PAPPA2: variants seen among roughly 807,000 people sequenced by gnomAD.
PAPPA2 encodes the protein pappalysin-2.
PAPPA2 carries 86 observed loss-of-function variants against 176.4 expected under a neutral mutation model. That is an observed-to-expected ratio of 0.49 (90% confidence interval 0.41 to 0.58). PAPPA2 has a LOEUF of 0.58. Among genes scored for constraint, PAPPA2 ranks in the 20% least tolerant of loss-of-function variants. The probability of loss-of-function intolerance (pLI) is 0.00; values close to 1 mark genes in which losing one functional copy is unlikely to be tolerated. For synonymous variants in PAPPA2, 809 were observed against 852.2 expected (o/e 0.95, Z 0.88); for missense variants, 2,073 against 2,256.9 (o/e 0.92, Z 1.65).
intron 1 of PAPPA2, among the ~76,000 whole-genome samples, chr1:176,470,520 A>C (rs1651822062): frequency 6.6e-6 from 1 of 152,168 alleles, no homozygotes; most frequent in African/African-American, 2.4e-5. Flanking sequence ...GAGAGGAATG[A>C]TCAGGCCAGT....
At chr1:176,590,434 G>A (rs1215335606) in intron 2 of PAPPA2, among the ~76,000 whole-genome samples, 2 of 151,994 alleles carry the variant, frequency 1.3e-5, no homozygotes, top group African/African-American at 4.8e-5. Context: ...ATCTTCAGAG[G>A]ACCAGTTGTT....
chr1:176,644,580 T>C (rs1289555789), intron 3 of PAPPA2, among the ~76,000 whole-genome samples: 2 of 151,788 alleles, frequency 1.3e-5, no homozygotes, highest in Non-Finnish European at 2.9e-5. Flanking sequence ...AGTCTATCAT[T>C]AGAGGCAATA....
intron 12 of PAPPA2, among the ~76,000 whole-genome samples, chr1:176,737,305 TAC>T (rs1662464506): frequency 6.6e-6 from 1 of 152,064 alleles, no homozygotes; most frequent in Non-Finnish European, 1.5e-5. Flanking sequence ...CTGCCTGGCT[TAC>T]TCTCTCTCTC....
intron 21 of PAPPA2, 142 bp from the exon 22 acceptor site, chr1:176,840,031 G>C: frequency 3.3e-6 from 2 of 614,106 alleles, no homozygotes; most frequent in Non-Finnish European, 5.7e-6. Context: ...GCAAATATTA[G>C]GTCAATTTGT....
intron 8 of PAPPA2, among the ~76,000 whole-genome samples, chr1:176,701,240 A>G (rs1028492610): frequency 1.3e-5 from 2 of 152,142 alleles, no homozygotes; most frequent in Non-Finnish European, 1.5e-5. Flanking sequence ...GCCTTTTACA[A>G]ACTCAGATCC....
intron 12 of PAPPA2, among the ~76,000 whole-genome samples, chr1:176,725,506 C>T (rs1661823678): frequency 6.6e-6 from 1 of 152,148 alleles, no homozygotes; most frequent in South Asian, 2.1e-4. Flanking sequence ...AAGGTACATA[C>T]ATAGCAGTGG....
At chr1:176,728,273 A>T (rs1245632780) in intron 12 of PAPPA2, among the ~76,000 whole-genome samples, 1 of 151,914 alleles carries the variant, frequency 6.6e-6, no homozygotes, top group African/African-American at 2.4e-5. Context: ...TAAACATAAA[A>T]TATGAAAGAA....
intron 2 of PAPPA2, among the ~76,000 whole-genome samples, chr1:176,559,798 A>G (rs1211742331): frequency 6.6e-6 from 1 of 152,202 alleles, no homozygotes; most frequent in Non-Finnish European, 1.5e-5. Flanking sequence ...CTTGGCCCCT[A>G]CACTTTTTTC....
chr1:176,840,117 G>T, intron 21 of PAPPA2, 56 bp from the exon 22 acceptor site: 1 of 1,412,134 alleles, frequency 7.1e-7, no homozygotes, highest in Admixed American at 1.7e-5. Flanking sequence ...GAGTGGCAGA[G>T]TCAAACAAGA....
At chr1:176,481,546 G>C (rs1652404694) in intron 1 of PAPPA2, among the ~76,000 whole-genome samples, 1 of 152,172 alleles carries the variant, frequency 6.6e-6, no homozygotes, top group African/African-American at 2.4e-5. Context: ...GCTACCCATT[G>C]CTGAGGTGAC....
At chr1:176,827,362 T>A (rs1281722620) in intron 21 of PAPPA2, among the ~76,000 whole-genome samples, 1 of 152,230 alleles carries the variant, frequency 6.6e-6, no homozygotes, top group African/African-American at 2.4e-5. Flanking sequence ...GTTCCAAACT[T>A]GCATCATTAA....
At chr1:176,791,277 A>G (rs1665165068) in intron 18 of PAPPA2, 70 bp from the exon 19 acceptor site, 4 of 1,450,954 alleles carry the variant, frequency 2.8e-6, no homozygotes, top group Admixed American at 1.9e-5. Context: ...CCACTTAATC[A>G]GACCACTTTT....
chr1:176,655,940 C>T (rs1573202986), intron 3 of PAPPA2, among the ~76,000 whole-genome samples: 1 of 151,922 alleles, frequency 6.6e-6, no homozygotes, highest in Non-Finnish European at 1.5e-5. Context: ...TTGAGAACCT[C>T]AGAAAACATC....
intron 1 of PAPPA2, among the ~76,000 whole-genome samples, chr1:176,548,388 C>A (rs1305717848): frequency 6.6e-6 from 1 of 152,080 alleles, no homozygotes; most frequent in Non-Finnish European, 1.5e-5. Flanking sequence ...GTGGGACTTT[C>A]CCTAACTGCT....
intron 3 of PAPPA2, among the ~76,000 whole-genome samples, chr1:176,605,716 G>A (rs1287299268): frequency 6.6e-6 from 1 of 152,146 alleles, no homozygotes; most frequent in East Asian, 1.9e-4. Context: ...GAAGTCATAG[G>A]TTTCTGGCCA....
At chr1:176,564,423 C>T (rs1042228400) in intron 2 of PAPPA2, among the ~76,000 whole-genome samples, 1 of 152,210 alleles carries the variant, frequency 6.6e-6, no homozygotes, top group African/African-American at 2.4e-5. Context: ...GATATGTAAA[C>T]ACATTTCTAT....
chr1:176,679,470 G>T (rs1659472294), intron 4 of PAPPA2, among the ~76,000 whole-genome samples: 1 of 151,926 alleles, frequency 6.6e-6, no homozygotes, highest in Non-Finnish European at 1.5e-5. Flanking sequence ...TATGAAAGTG[G>T]GTACCTTATT....
At chr1:176,711,476 T>C (rs1022675946) in intron 11 of PAPPA2, among the ~76,000 whole-genome samples, 1 of 152,142 alleles carries the variant, frequency 6.6e-6, no homozygotes, top group Admixed American at 6.6e-5. Context: ...AGCCTCACTT[T>C]TGGGGCCAGT....
At chr1:176,584,344 A>G (rs1446595197) in intron 2 of PAPPA2, among the ~76,000 whole-genome samples, 1 of 151,764 alleles carries the variant, frequency 6.6e-6, no homozygotes, top group East Asian at 1.9e-4. Context: ...ATATACATAC[A>G]TAATTGGTAT....
Sources: allele counts gnomAD v4.1 joint callset (sites outside exome capture counted in the v4.1 genomes callset), GRCh38; gene constraint gnomAD v4.1.1; transcripts MANE v1.5; gene names NCBI Gene and HGNC (gene_info 2026-07-23, HGNC 2026-07-21).